WWOX: variants seen among roughly 807,000 people sequenced by gnomAD.
The protein encoded by WWOX is WW domain containing oxidoreductase.
A neutral mutation model predicts 46.2 loss-of-function variants in WWOX; 69 were observed. The ratio of observed to expected loss-of-function variants is 1.49; its 90% confidence interval spans 1.23 to 1.82. The LOEUF is 1.82. WWOX is among the 40% of genes most tolerant of loss of function. The probability of loss-of-function intolerance (pLI) is 0.00; values close to 1 mark genes in which losing one functional copy is unlikely to be tolerated. For synonymous variants in WWOX, 359 were observed against 202.6 expected, an observed-to-expected ratio of 1.77 and a Z score of -6.56; for missense variants, 919 against 542.6, an observed-to-expected ratio of 1.69 and a Z score of -6.89.
rs1435186807 is a variant in WWOX at position 78,728,065 on chromosome 16, T to TCC, written c.1056+295313_1056+295314insCC. 2.9e-5 allele frequency among the ~76,000 whole-genome samples: 4 copies of TCC among 137,858 alleles called. 1 individual carries two copies. The South Asian group carries it at 7.5e-4, about 26-fold the overall frequency. The allele number at this position is 137,858 out of a possible 152,430, so 90.4% of individuals were successfully genotyped here. Reference sequence around the variant, plus strand: ...CTCTCTCCCTCCTTCCTTTTTTTTTTTTTTTTTTTTTTTTTTTGAGAAAGG... The same window carrying TCC: ...CTCTCTCCCTCCTTCCTTTTTTTTTTCCTTTTTTTTTTTTTTTTTGAGAAAGG... On this transcript the variant is annotated intron_variant, in intron 8 of 8. Transcript: ENST00000566780.
intron 8 of WWOX, among the ~76,000 whole-genome samples, chr16:78,703,493 G>A (rs1337007858): frequency 1.3e-5 from 2 of 151,844 alleles, no homozygotes; most frequent in Non-Finnish European, 1.5e-5. Flanking sequence ...GCTTGCACCT[G>A]TAGCTCCAGC....
intron 5 of WWOX, among the ~76,000 whole-genome samples, chr16:78,255,879 C>T (rs1027204280): frequency 1.1e-4 from 17 of 152,184 alleles, no homozygotes; most frequent in East Asian, 3.9e-4. Context: ...CACAGTGGCT[C>T]GCGCCTGTAA....
chr16:78,198,280 C>G (rs1472733960), intron 5 of WWOX, among the ~76,000 whole-genome samples: 1 of 152,110 alleles, frequency 6.6e-6, no homozygotes, highest in Non-Finnish European at 1.5e-5. Context: ...GAACTGGATT[C>G]CTACCAGAGG....
chr16:78,472,472 T>A (rs1169009540), intron 8 of WWOX, among the ~76,000 whole-genome samples: 1 of 152,176 alleles, frequency 6.6e-6, no homozygotes, highest in Non-Finnish European at 1.5e-5. Flanking sequence ...TTCTCTAAAG[T>A]ATACTTGATT....
chr16:78,119,954 G>C (rs1249918000), intron 4 of WWOX, among the ~76,000 whole-genome samples: 11 of 152,066 alleles, frequency 7.2e-5, no homozygotes, highest in Admixed American at 7.2e-4. Flanking sequence ...GCTGCATCAT[G>C]TGTGTTGTAA....
intron 5 of WWOX, among the ~76,000 whole-genome samples, chr16:78,216,298 G>T (rs906114980): frequency 2.6e-4 from 39 of 152,272 alleles, no homozygotes; most frequent in African/African-American, 9.4e-4. Flanking sequence ...TCAACACTTT[G>T]AACACTTGCA....
At chr16:78,290,236 G>A (rs1350424628) in intron 5 of WWOX, among the ~76,000 whole-genome samples, 5 of 148,726 alleles carry the variant, frequency 3.4e-5, no homozygotes, top group Non-Finnish European at 7.4e-5. Context: ...AGCACTCTGC[G>A]AGCACTCTGC....
chr16:78,709,638 A>G (rs909542271), intron 8 of WWOX, among the ~76,000 whole-genome samples: 6 of 152,002 alleles, frequency 3.9e-5, no homozygotes, highest in African/African-American at 1.4e-4. Flanking sequence ...GCCTTTTAAC[A>G]GGGAATGAAA....
chr16:79,211,683 A>G lies in WWOX; in HGVS notation c.1132A>G (p.Asn378Asp). The G allele has an allele frequency of 1.2e-6, 2 of 1,614,184 alleles. No homozygotes were observed. The highest frequency in any genetic ancestry group is 8.5e-7 in the Non-Finnish European group (1 of 1,180,038). ...LEGLGGMYFN[N>D]CCRCMPSPEA... is the part of the protein sequence containing the mutation. ...GGGTCTGGGAGGGATGTACTTCAACAACTGCTGCCGCTGCATGCCCTCACC... is the reference window on the plus strand; with the variant it reads ...GGGTCTGGGAGGGATGTACTTCAACGACTGCTGCCGCTGCATGCCCTCACC... Residue 378 changes from asparagine to aspartate, a missense_variant, in exon 9 of 9, where the codon AAC (asparagine) becomes GAC (aspartate). Physicochemically the swap from Asn to Asp is conservative, Grantham distance 23. Transcript: ENST00000566780.
intron 8 of WWOX, among the ~76,000 whole-genome samples, chr16:78,933,020 T>C (rs2045657904): frequency 6.6e-6 from 1 of 152,200 alleles, no homozygotes; most frequent in Non-Finnish European, 1.5e-5. Context: ...TCACCCAGAC[T>C]CTGAGTTAAG....
intron 8 of WWOX, among the ~76,000 whole-genome samples, chr16:78,493,741 G>C (rs993016809): frequency 6.6e-6 from 1 of 152,150 alleles, no homozygotes; most frequent in Non-Finnish European, 1.5e-5. Context: ...CCATTGTAGA[G>C]ATGAGAAAAC....
At chr16:78,362,108 C>T (rs2081422047) in intron 5 of WWOX, among the ~76,000 whole-genome samples, 1 of 151,896 alleles carries the variant, frequency 6.6e-6, no homozygotes, top group Non-Finnish European at 1.5e-5. Context: ...TTCCTCACTC[C>T]CCACTTTTTA....
intron 5 of WWOX, among the ~76,000 whole-genome samples, chr16:78,362,086 C>G (rs981436587): frequency 6.8e-6 from 1 of 147,588 alleles, no homozygotes; most frequent in Non-Finnish European, 1.5e-5. Flanking sequence ...TTTTTTTCTT[C>G]TCACTACATT....
intron 4 of WWOX, among the ~76,000 whole-genome samples, chr16:78,132,871 C>T (rs1294119036): frequency 1.3e-5 from 2 of 152,156 alleles, no homozygotes. Context: ...CTTATTTGCT[C>T]CATTCCATTT....
chr16:78,553,380 G>T (rs1433445849), intron 8 of WWOX: 1 of 152,194 alleles, frequency 6.6e-6, no homozygotes, highest in Non-Finnish European at 1.5e-5. Flanking sequence ...TCATTTCCAT[G>T]GGCTCTGGGA....
intron 3 of WWOX, among the ~76,000 whole-genome samples, chr16:78,113,297 C>G (rs188909231): frequency 1.4e-4 from 21 of 152,288 alleles, no homozygotes; most frequent in Non-Finnish European, 2.6e-4. Flanking sequence ...GAGAGCCTCC[C>G]GTCTAGAGCA....
At chr16:78,107,936 T>G (rs941420964) in intron 1 of WWOX, among the ~76,000 whole-genome samples, 1 of 152,012 alleles carries the variant, frequency 6.6e-6, no homozygotes, top group Admixed American at 6.6e-5. Context: ...ATTTATTTAT[T>G]TATTTATTTT....
intron 5 of WWOX, among the ~76,000 whole-genome samples, chr16:78,210,100 C>T (rs570234464): frequency 1.9e-4 from 29 of 152,162 alleles, no homozygotes; most frequent in African/African-American, 6.0e-4. Context: ...AAGTTCCAGA[C>T]GCCGAGCTTC....
At chr16:78,747,940 C>T (rs1027050347) in intron 8 of WWOX, among the ~76,000 whole-genome samples, 1 of 152,176 alleles carries the variant, frequency 6.6e-6, no homozygotes, top group Non-Finnish European at 1.5e-5. Context: ...ACTCAGCATC[C>T]TGCAGCCGAA....
Sources: gnomAD v4.1 joint callset for allele counts (sites outside exome capture counted in the v4.1 genomes callset) on GRCh38, gnomAD v4.1.1 for gene constraint, MANE v1.5 for transcripts, NCBI Gene and HGNC (gene_info 2026-07-23, HGNC 2026-07-21) for gene names.